PPM1K: variants seen among roughly 807,000 people sequenced by gnomAD.
PPM1K encodes the protein protein phosphatase, Mg2+/Mn2+ dependent 1K.
In PPM1K, 19 loss-of-function variants were observed where a neutral mutation model predicts 32.6. The observed-to-expected ratio is 0.58, with a 90% confidence interval of 0.41 to 0.86. PPM1K has a LOEUF of 0.86. Ranked by LOEUF, PPM1K falls within the 40% of genes least tolerant of loss-of-function variation. The pLI is 0.00. For missense variants in PPM1K, 362 were observed against 461.2 expected, an observed-to-expected ratio of 0.78 and a Z score of 1.97; for synonymous variants, 159 against 165.3, an observed-to-expected ratio of 0.96 and a Z score of 0.29.
At position 88,258,213 on chromosome 4, in the gene PPM1K, C is replaced by G. The variant is rs1730978097; in HGVS notation, c.*4382G>C. The G allele has an allele frequency of 6.6e-6, 1 of 152,112 alleles. No homozygotes were observed. Among genetic ancestry groups the G allele is most frequent in the Non-Finnish European group, 1.5e-5 (1 of 68,032 alleles). 9.4% of individuals were successfully genotyped at this position (152,112 alleles called of 1,614,324 possible). On this transcript the variant is annotated 3_prime_UTR_variant, in exon 7 of 7. Transcript: ENST00000608933. ...AAAAATAGAAGCATTTTCTTATTAT[C>G]ATATTACCATGAAATTAAATTTATG...
intron 1 of PPM1K, chr4:88,283,698 G>A (rs1445087650): frequency 6.6e-6 from 1 of 152,406 alleles, no homozygotes; most frequent in Non-Finnish European, 1.5e-5. Flanking sequence ...CCTGCGCAAA[G>A]TAAAACCCAA....
chr4:88,258,612 G>A lies in PPM1K; in HGVS notation c.*3983C>T, dbSNP rs1295570852. 6.7e-6 allele frequency: 1 copy of A among 150,202 alleles called. No individual in the cohort carries two copies. The highest frequency in any genetic ancestry group is 2.5e-5 in the African/African-American group (1 of 40,746). 9.3% of individuals were successfully genotyped at this position (150,202 alleles called of 1,614,324 possible). On this transcript the variant is annotated 3_prime_UTR_variant, in exon 7 of 7. Coordinates refer to ENST00000608933, the MANE Select transcript of PPM1K (RefSeq NM_152542.5). Reference sequence around the variant, plus strand: ...CACTGCACTCCAGCCTGGCGACAGAGCGAGACTCTGTCTCAAGAAAAAAAA... The same window carrying A: ...CACTGCACTCCAGCCTGGCGACAGAACGAGACTCTGTCTCAAGAAAAAAAA...
At chr4:88,276,627 T>A (rs1731775192) in intron 3 of PPM1K, 22 of 984,728 alleles carry the variant, frequency 2.2e-5, no homozygotes, top group Non-Finnish European at 2.7e-5. Context: ...CAGAAAAATA[T>A]TTTCCTTCTA....
chr4:88,268,315 AACC>A lies in PPM1K; in HGVS notation c.724_726del (p.Gly242del), dbSNP rs1312243921. 5 of 1,614,168 alleles carry A rather than the reference AACC, an allele frequency of 3.1e-6. No homozygotes were observed. The highest frequency in any genetic ancestry group is 2.2e-5 in the South Asian group (2 of 91,080). ...TGCCCCAAACTATTCCAAGCTACAAAACCACCACATTTCTTGATCCTGTTAAAA... is the reference window on the plus strand; with the variant it reads ...TGCCCCAAACTATTCCAAGCTACAAAACCACATTTCTTGATCCTGTTAAAA... On this transcript the variant is annotated inframe_deletion, in exon 5 of 7. Coordinates refer to ENST00000608933, the MANE Select transcript of PPM1K (RefSeq NM_152542.5).
At chr4:88,277,620 C>A (rs1731836115) in intron 2 of PPM1K, 1 of 195,232 alleles carries the variant, frequency 5.1e-6, no homozygotes, top group South Asian at 1.2e-4. Flanking sequence ...CACATGTTCT[C>A]CCTCTTTCAA....
chr4:88,273,679 CA>C (rs72431742), intron 3 of PPM1K, among the ~76,000 whole-genome samples: 7,225 of 101,060 alleles, frequency 0.071, 329 homozygotes, highest in East Asian at 0.32. Context: ...AAAACTGTCT[CA>C]AAAAAAAAAA....
At position 88,259,445 on chromosome 4, in the gene PPM1K, G is replaced by C. The variant is rs1731041849; in HGVS notation, c.*3150C>G. ...ATAGTTTGGCAACACATATTAGAAAGGTGATTTCTATACTACACATAAATG... is the reference window on the plus strand; with the variant it reads ...ATAGTTTGGCAACACATATTAGAAACGTGATTTCTATACTACACATAAATG... On this transcript the variant is annotated 3_prime_UTR_variant, in exon 7 of 7. Coordinates refer to ENST00000608933, the MANE Select transcript of PPM1K (RefSeq NM_152542.5). 6.6e-6 allele frequency: 1 copy of C among 152,090 alleles called. No homozygotes were observed. Among genetic ancestry groups the C allele is most frequent in the Admixed American group, 6.6e-5 (1 of 15,264 alleles). 9.4% of individuals were successfully genotyped at this position (152,090 alleles called of 1,614,324 possible). A position where few individuals can be genotyped will look rare whatever the true frequency, so the allele number is the denominator to read the frequency against.
In PPM1K at chr4:88,262,568, A is replaced by G. The variant is rs1442954633; in HGVS notation, c.*27T>C. On this transcript the variant is annotated 3_prime_UTR_variant, in exon 7 of 7. Transcript: ENST00000608933. ...GACATGCTCAGTGAAAAACTGTTGC[A>G]CAGAAACTCTAAGTCCCAGCTGGTA... is the stretch of plus-strand genomic sequence containing the variant. 6.2e-7 allele frequency: 1 copy of G among 1,610,548 alleles called. No homozygotes were observed. Among genetic ancestry groups the G allele is most frequent in the Non-Finnish European group, 8.5e-7 (1 of 1,178,506 alleles).
At chr4:88,281,799 C>T (rs1217616379) in intron 1 of PPM1K, among the ~76,000 whole-genome samples, 1 of 152,116 alleles carries the variant, frequency 6.6e-6, no homozygotes, top group Non-Finnish European at 1.5e-5. Flanking sequence ...AAGTAAATAA[C>T]AACTTTGAAT....
At chr4:88,268,423 C>G in intron 4 of PPM1K, 89 bp from the exon 5 acceptor site, 1 of 1,443,294 alleles carries the variant, frequency 6.9e-7, no homozygotes, top group South Asian at 1.2e-5. Flanking sequence ...GAGATCGAGA[C>G]CATCCTGGCT....
chr4:88,278,758 A>G lies in PPM1K; in HGVS notation c.-59-116T>C, dbSNP rs1731895828. On this transcript the variant is annotated intron_variant, in intron 1 of 6. Coordinates refer to ENST00000608933, the MANE Select transcript of PPM1K (RefSeq NM_152542.5). This position sits in a 1 kb window ranked among gnomAD's most constrained non-coding sequence, Gnocchi z 4.2. Reference sequence around the variant, plus strand: ...AAATTTTGAATATAACTGATATGTCATCAAATATTACCAAAAATGAAGCTC... The same window carrying G: ...AAATTTTGAATATAACTGATATGTCGTCAAATATTACCAAAAATGAAGCTC... The G allele has an allele frequency of 1.7e-6, 1 of 575,876 alleles. No individual in the cohort carries two copies. The highest frequency in any genetic ancestry group is 1.9e-5 in the African/African-American group (1 of 53,710). 35.7% of individuals were successfully genotyped at this position (575,876 alleles called of 1,614,324 possible). A position where few individuals can be genotyped will look rare whatever the true frequency, so the allele number is the denominator to read the frequency against.
intron 6 of PPM1K, among the ~76,000 whole-genome samples, chr4:88,263,770 A>G (rs965707727): frequency 1.3e-5 from 2 of 152,112 alleles, no homozygotes; most frequent in African/African-American, 4.8e-5. Context: ...CTAAGGGCTC[A>G]AGCAATCCTC....
At chr4:88,277,439 C>A in intron 2 of PPM1K, 196 bp from the exon 3 acceptor site, 1 of 517,986 alleles carries the variant, frequency 1.9e-6, no homozygotes, top group Admixed American at 3.3e-5. Context: ...TTTAAGGGCA[C>A]AACAATGAAA....
intron 3 of PPM1K, among the ~76,000 whole-genome samples, chr4:88,274,489 C>T (rs1578320112): frequency 6.6e-6 from 1 of 152,234 alleles, no homozygotes; most frequent in East Asian, 1.9e-4. Context: ...CACAGTCCTT[C>T]ACCTCACAGG....
intron 3 of PPM1K, among the ~76,000 whole-genome samples, chr4:88,272,812 C>T (rs534955982): frequency 6.6e-6 from 1 of 152,292 alleles, no homozygotes; most frequent in African/African-American, 2.4e-5. Flanking sequence ...TTATTCTTTT[C>T]AAAATATCCC....
chr4:88,268,207 C>T lies in PPM1K; in HGVS notation c.835G>A (p.Glu279Lys). Residue 279 changes from glutamate to lysine, a missense_variant, in exon 5 of 7, where the codon GAA (glutamate) becomes AAA (lysine). Transcript: ENST00000608933. Reference protein sequence around the residue: ...LKTSGVIAEPETKRIKLHHAD... With the variant: ...LKTSGVIAEPKTKRIKLHHAD... ...TTTCTTACCTTAATCCTCTTAGTTT[C>T]AGGTTCTGCTATGACACCACTGGTC... 3.1e-6 allele frequency: 5 copies of T among 1,614,096 alleles called. No individual in the cohort carries two copies. The highest frequency in any genetic ancestry group is 4.2e-6 in the Non-Finnish European group (5 of 1,179,992).
At chr4:88,280,178 T>G (rs542774051) in intron 1 of PPM1K, among the ~76,000 whole-genome samples, 89 of 152,216 alleles carry the variant, frequency 5.8e-4, no homozygotes, top group Non-Finnish European at 1.1e-3. Context: ...TGGCTTCAAG[T>G]GATCCTCCCA....
At chr4:88,266,091 A>G (rs1731292121) in intron 5 of PPM1K, among the ~76,000 whole-genome samples, 1 of 152,206 alleles carries the variant, frequency 6.6e-6, no homozygotes, top group Non-Finnish European at 1.5e-5. Context: ...ATGAAGTGGG[A>G]TATCTATAAC....
At position 88,278,635 on chromosome 4, in the gene PPM1K, T is replaced by C. The variant is rs1274449522; in HGVS notation, c.-52A>G. The stretch of plus-strand genomic sequence containing the variant: ...GAGGGAAAGGTCAATGGAACAATAA[T>C]GGAATGTCTTCAAGAAAAATGATGC... On this transcript the variant is annotated 5_prime_UTR_variant, in exon 2 of 7. Transcript: ENST00000608933. This position sits in a 1 kb window ranked among gnomAD's most constrained non-coding sequence, Gnocchi z 4.2. 3 of 1,431,200 alleles carry C rather than the reference T, an allele frequency of 2.1e-6. No individual in the cohort carries two copies. Among genetic ancestry groups the C allele is most frequent in the Non-Finnish European group, 2.9e-6 (3 of 1,050,884 alleles). The allele number at this position is 1,431,200 out of a possible 1,614,324, so 88.7% of individuals were successfully genotyped here. A position where few individuals can be genotyped will look rare whatever the true frequency, so the allele number is the denominator to read the frequency against.
Sources: gnomAD v4.1 joint callset for allele counts (sites outside exome capture counted in the v4.1 genomes callset) on GRCh38, gnomAD v4.1.1 for gene constraint, Gnocchi (gnomAD v3.1) non-coding constraint, MANE v1.5 for transcripts, NCBI Gene and HGNC (gene_info 2026-07-23, HGNC 2026-07-21) for gene names.